The following LRRC61 variants were observed in gnomAD, a reference collection of about 807,000 sequenced individuals.
LRRC61 encodes leucine-rich repeat-containing protein 61.
A neutral mutation model predicts 15.1 loss-of-function variants in LRRC61; 9 were observed. The observed-to-expected ratio is 0.60, with a 90% CI of 0.36 to 1.04. LRRC61 has a LOEUF of 1.04. LRRC61 is among the 50% of genes least tolerant of loss of function. The probability of loss-of-function intolerance (pLI) is 0.01; values close to 1 mark genes in which losing one functional copy is unlikely to be tolerated. For synonymous variants in LRRC61, 173 were observed against 158.6 expected, an observed-to-expected ratio of 1.09 and a Z score of -0.68; for missense variants, 344 against 335.6, an observed-to-expected ratio of 1.03 and a Z score of -0.20.
rs1411942854 is a variant in LRRC61 at position 150,335,611 on chromosome 7, G to T, written c.-144-1107G>T. 6.6e-6 allele frequency among the ~76,000 whole-genome samples: 1 copy of T among 152,188 alleles called. No individual in the cohort carries two copies. Among genetic ancestry groups the T allele is most frequent in the Non-Finnish European group, 1.5e-5 (1 of 68,042 alleles). The stretch of plus-strand genomic sequence containing the variant: ...CCTTGGAGAGGGGAAAATGAAAAGT[G>T]TTGATATGTAAACTCAGTCACCGAC... On this transcript the variant is annotated intron_variant, in intron 2 of 2. Transcript: ENST00000359623. The surrounding 1 kb of genome is among the most constrained non-coding windows in gnomAD (Gnocchi z 4.3).
chr7:150,318,030 T>TGA, the LRRC61 span, among the ~76,000 whole-genome samples: 5 of 152,178 alleles, frequency 3.3e-5, no homozygotes, highest in Non-Finnish European at 7.3e-5. Flanking sequence ...AAAATGGGGA[T>TGA]TTCCTCTCAA....
rs1357835477 is a variant in LRRC61, at chr7:150,335,930, A to G, written c.-144-788A>G. On this transcript the variant is annotated intron_variant, in intron 2 of 2. Coordinates refer to ENST00000359623, the MANE Select transcript of LRRC61 (RefSeq NM_001142928.2). This position sits in a 1 kb window ranked among gnomAD's most constrained non-coding sequence, Gnocchi z 4.3. The stretch of plus-strand genomic sequence containing the variant: ...TCCAAGACAGCCTGCCCTTTGGGAA[A>G]TTTATGTTGTCTTTGCAGCTGGCAC... 6.6e-6 allele frequency among the ~76,000 whole-genome samples: 1 copy of G among 152,130 alleles called. No individual in the cohort carries two copies. The highest frequency in any genetic ancestry group is 2.4e-5 in the African/African-American group (1 of 41,412).
At chr7:150,327,690 G>A (rs368245034) in intron 2 of LRRC61, among the ~76,000 whole-genome samples, 163 of 151,980 alleles carry the variant, frequency 1.1e-3, no homozygotes, top group Non-Finnish European at 2.0e-3. Flanking sequence ...GTGTGTTGGT[G>A]TACACCTGTA....
chr7:150,336,735 G>T lies in LRRC61; in HGVS notation c.-127G>T. The stretch of plus-strand genomic sequence containing the variant: ...CTCCTCAGGGACTGGCTGGCTTCGA[G>T]CAGGGCATCGGAACCAGGCCTCCTG... On this transcript the variant is annotated 5_prime_UTR_variant, in exon 3 of 3. Transcript: ENST00000359623. The T allele has an allele frequency of 7.6e-7, 1 of 1,310,848 alleles. No homozygotes were observed. The highest frequency in any genetic ancestry group is 1.0e-6 in the Non-Finnish European group (1 of 962,356). 81.2% of individuals were successfully genotyped at this position (1,310,848 alleles called of 1,614,324 possible). A position where few individuals can be genotyped will look rare whatever the true frequency, so the allele number is the denominator to read the frequency against.
upstream of LRRC61, among the ~76,000 whole-genome samples, chr7:150,321,977 G>A (rs1187092856): frequency 6.6e-6 from 1 of 152,204 alleles, no homozygotes; most frequent in Non-Finnish European, 1.5e-5. Flanking sequence ...TGAGGAGGTG[G>A]AAAGAAGTTC....
upstream of LRRC61, among the ~76,000 whole-genome samples, chr7:150,321,117 A>G (rs1041004997): frequency 1.1e-4 from 16 of 151,958 alleles, no homozygotes; most frequent in African/African-American, 3.6e-4. Context: ...GTATCTGATC[A>G]CCTCGGCTTG....
chr7:150,324,057 G>A (rs1797836447), intron 1 of LRRC61, among the ~76,000 whole-genome samples: 1 of 152,176 alleles, frequency 6.6e-6, no homozygotes, highest in African/African-American at 2.4e-5. Context: ...TCAAATTTGC[G>A]TGTGGGACAA....
chr7:150,328,394 A>G (rs190785338), intron 2 of LRRC61, among the ~76,000 whole-genome samples: 1 of 152,208 alleles, frequency 6.6e-6, no homozygotes, highest in Non-Finnish European at 1.5e-5. Context: ...ATAAAACCCC[A>G]AAAAAACATG....
At chr7:150,319,776 A>C (rs1289771359), upstream of LRRC61, among the ~76,000 whole-genome samples, 2 of 152,178 alleles carry the variant, frequency 1.3e-5, no homozygotes, top group African/African-American at 4.8e-5. Context: ...GTTAGCAGCT[A>C]ATGTAGCTAC....
the LRRC61 span, among the ~76,000 whole-genome samples, chr7:150,309,909 G>A: frequency 1.1e-4 from 16 of 152,154 alleles, no homozygotes; most frequent in East Asian, 2.5e-3. Flanking sequence ...GGGTAAGTCC[G>A]TCCCCTTTTT....
the LRRC61 span, among the ~76,000 whole-genome samples, chr7:150,314,439 T>C: frequency 0.015 from 2,288 of 152,216 alleles, 58 homozygotes; most frequent in African/African-American, 0.053. Flanking sequence ...CTCAGGGTAC[T>C]GATTGGCTCA....
At chr7:150,317,831 A>C in the LRRC61 span, among the ~76,000 whole-genome samples, 2 of 152,140 alleles carry the variant, frequency 1.3e-5, no homozygotes, top group African/African-American at 4.8e-5. Flanking sequence ...GAAATGGATT[A>C]TGACTTTTCT....
intron 2 of LRRC61, among the ~76,000 whole-genome samples, chr7:150,334,288 G>C (rs1798212471): frequency 6.6e-6 from 1 of 152,164 alleles, no homozygotes; most frequent in Admixed American, 6.5e-5. Flanking sequence ...TCTCGTCTGA[G>C]TCCAGTGGGG....
chr7:150,311,162 T>C, the LRRC61 span, among the ~76,000 whole-genome samples: 1 of 152,126 alleles, frequency 6.6e-6, no homozygotes, highest in Non-Finnish European at 1.5e-5. Flanking sequence ...CCTTTCCCCA[T>C]TCTTCCTTTC....
rs1394423526 is a variant in LRRC61 at position 150,330,135 on chromosome 7, G to A, written c.-145+4125G>A. 1 of 529,216 alleles carries A rather than the reference G, an allele frequency of 1.9e-6. No individual in the cohort carries two copies. Among genetic ancestry groups the A allele is most frequent in the Non-Finnish European group, 3.4e-6 (1 of 297,486 alleles). The allele number at this position is 529,216 out of a possible 1,614,324, so 32.8% of individuals were successfully genotyped here. On this transcript the variant is annotated intron_variant, in intron 2 of 2. Coordinates refer to ENST00000359623, the MANE Select transcript of LRRC61 (RefSeq NM_001142928.2). The surrounding 1 kb of genome is among the most constrained non-coding windows in gnomAD (Gnocchi z 4.6). Reference sequence around the variant, plus strand: ...CCAGATCATCCTGGGCACTGCCAGGGCCACCTGCAGCCATTTCTAAGGCTC... The same window carrying A: ...CCAGATCATCCTGGGCACTGCCAGGACCACCTGCAGCCATTTCTAAGGCTC...
chr7:150,338,093 C>G lies in LRRC61; in HGVS notation c.*452C>G, dbSNP rs1476882437. The G allele has an allele frequency of 7.7e-6, 4 of 520,086 alleles. No individual in the cohort carries two copies. Among genetic ancestry groups the G allele is most frequent in the Admixed American group, 7.1e-5 (2 of 28,278 alleles). The allele number at this position is 520,086 out of a possible 1,614,324, so 32.2% of individuals were successfully genotyped here. A position where few individuals can be genotyped will look rare whatever the true frequency, so the allele number is the denominator to read the frequency against. On this transcript the variant is annotated 3_prime_UTR_variant, in exon 3 of 3. Coordinates refer to ENST00000359623, the MANE Select transcript of LRRC61 (RefSeq NM_001142928.2). ...GACTGCTCCTGCACTTACCCCCTCC[C>G]CGCAGCACCTTCTCTGCCCGTTCTT...
chr7:150,316,139 G>A, the LRRC61 span, among the ~76,000 whole-genome samples: 2 of 152,346 alleles, frequency 1.3e-5, no homozygotes, highest in African/African-American at 4.8e-5. Context: ...GGAGGTTGCA[G>A]TGAGCCGAGA....
upstream of LRRC61, among the ~76,000 whole-genome samples, chr7:150,319,786 C>T (rs1235305211): frequency 5.9e-5 from 9 of 152,352 alleles, no homozygotes; most frequent in East Asian, 1.5e-3. Flanking sequence ...AATGTAGCTA[C>T]TTCCCACTTT....
chr7:150,336,685 A>T, intron 2 of LRRC61, 33 bp from the exon 3 acceptor site: 3 of 774,250 alleles, frequency 3.9e-6, no homozygotes, highest in Non-Finnish European at 6.1e-6. Flanking sequence ...AGACACAGAA[A>T]GTGCTGCCTG....
Sources: gnomAD v4.1 joint callset for allele counts (sites outside exome capture counted in the v4.1 genomes callset) on GRCh38, gnomAD v4.1.1 for gene constraint, Gnocchi (gnomAD v3.1) non-coding constraint, MANE v1.5 for transcripts, NCBI Gene and HGNC (gene_info 2026-07-23, HGNC 2026-07-21) for gene names.